DNAH14: variants seen among roughly 807,000 people sequenced by gnomAD.
DNAH14 encodes dynein axonemal heavy chain 14, also known as axonemal beta dynein heavy chain 14.
A neutral mutation model predicts 520.9 loss-of-function variants in DNAH14; 478 were observed. The ratio of observed to expected loss-of-function variants is 0.92; its 90% CI spans 0.85 to 0.99. The LOEUF (loss-of-function observed/expected upper bound fraction) is 0.99. DNAH14 is among the 50% of genes least tolerant of loss of function. The pLI, the probability that DNAH14 is intolerant of heterozygous loss-of-function variation, is 0.00. For synonymous variants in DNAH14, 1,581 were observed against 1,757.2 expected (o/e 0.90, Z 2.51); for missense variants, 4,831 against 5,234.5 (o/e 0.92, Z 2.38).
intron 36 of DNAH14, among the ~76,000 whole-genome samples, chr1:225,171,778 G>A (rs1349719669): frequency 6.6e-6 from 1 of 152,168 alleles, no homozygotes; most frequent in Non-Finnish European, 1.5e-5. Context: ...TATGAGGCCA[G>A]CATCATCCTG....
intron 4 of DNAH14, among the ~76,000 whole-genome samples, 186 bp from the exon 5 acceptor site, chr1:224,964,293 A>G (rs759002407): frequency 6.6e-5 from 10 of 152,128 alleles, no homozygotes; most frequent in Admixed American, 1.3e-4. Context: ...CATAAATATT[A>G]TTCCCTCTTT....
chr1:225,119,899 A>G lies in DNAH14; in HGVS notation c.4166+605A>G, dbSNP rs550563049. Among the ~76,000 whole-genome samples the G allele has an allele frequency of 5.9e-5, 9 of 152,312 alleles. No individual in the cohort carries two copies. In the East Asian group the frequency reaches 1.2e-3, roughly 20 times the overall value. ...TTAATATTATTCTGAAGGCCAATAC[A>G]AGGTTTCTAGAGCAGAGAAGATTAT... On this transcript the variant is annotated intron_variant, in intron 26 of 85. Transcript: ENST00000682510.
At chr1:225,115,149 T>G (rs2076775586) in intron 23 of DNAH14, among the ~76,000 whole-genome samples, 1 of 152,196 alleles carries the variant, frequency 6.6e-6, no homozygotes, top group African/African-American at 2.4e-5. Flanking sequence ...AATTGCTTTT[T>G]CCCTAACAAT....
intron 79 of DNAH14, among the ~76,000 whole-genome samples, chr1:225,379,100 G>A (rs1005817645): frequency 5.3e-5 from 8 of 152,144 alleles, no homozygotes; most frequent in Non-Finnish European, 1.0e-4. Context: ...CCTCACCTAG[G>A]CCTGGACACG....
chr1:225,283,981 G>A (rs1604777), intron 54 of DNAH14, among the ~76,000 whole-genome samples: 34,048 of 151,976 alleles, frequency 0.22, 4,114 homozygotes, highest in East Asian at 0.34. Context: ...GAGATACATG[G>A]AAACAAACAA....
chr1:225,363,058 T>A (rs549484625), intron 75 of DNAH14, among the ~76,000 whole-genome samples: 4 of 152,288 alleles, frequency 2.6e-5, no homozygotes, highest in Admixed American at 1.3e-4. Flanking sequence ...GCAAATTTTT[T>A]AAAAATAATT....
chr1:224,933,658 A>C (rs1558435569), intron 1 of DNAH14, among the ~76,000 whole-genome samples: 1 of 152,046 alleles, frequency 6.6e-6, no homozygotes, highest in South Asian at 2.1e-4. Flanking sequence ...ATTTTGTCCA[A>C]TGCTTGTTCT....
At position 225,346,628 on chromosome 1, in the gene DNAH14, G is replaced by C. The variant is rs2095290207; in HGVS notation, c.11270G>C (p.Ser3757Thr). The C allele has an allele frequency of 1.9e-6, 3 of 1,548,432 alleles. No homozygotes were observed. The highest frequency in any genetic ancestry group is 2.6e-6 in the Non-Finnish European group (3 of 1,145,396). The change falls in exon 71 of 86, where the codon AGT becomes ACT. Residue 3757 changes from serine (S) to threonine (T), a missense_variant. Ser to Thr is a moderately conservative substitution (Grantham distance 58). Coordinates refer to ENST00000682510, the MANE Select transcript of DNAH14 (RefSeq NM_001367479.1). ...TCTGGCATATTGATAAATATTAAAA[G>C]TGCATTATCCCAGTCTAGACTTACT... ...LYSGILINIK[S>T]ALSQSRLTST...
chr1:225,375,033 G>A (rs562092933), intron 78 of DNAH14, 148 bp downstream of exon 78: 1 of 728,758 alleles, frequency 1.4e-6, no homozygotes, highest in African/African-American at 1.8e-5. Flanking sequence ...ATTTACCCAT[G>A]ACTCTATTAA....
chr1:224,981,483 A>T (rs1390773558), intron 8 of DNAH14, among the ~76,000 whole-genome samples: 1 of 152,018 alleles, frequency 6.6e-6, no homozygotes. Context: ...TGGTCTGTTC[A>T]GGGTATCTAA....
chr1:224,949,623 G>A (rs1397057980), intron 1 of DNAH14, among the ~76,000 whole-genome samples: 1 of 152,052 alleles, frequency 6.6e-6, no homozygotes, highest in Non-Finnish European at 1.5e-5. Context: ...AATATTGTAT[G>A]GGCAACCTAT....
chr1:225,298,862 G>A (rs116310265), intron 55 of DNAH14, among the ~76,000 whole-genome samples: 5,535 of 152,302 alleles, frequency 0.036, 303 homozygotes, highest in African/African-American at 0.12. Context: ...CAGTGGCAGC[G>A]GGGCTGGGGG....
At chr1:225,363,645 GT>G (rs2095519502) in intron 75 of DNAH14, among the ~76,000 whole-genome samples, 1 of 152,166 alleles carries the variant, frequency 6.6e-6, no homozygotes, top group Non-Finnish European at 1.5e-5. Flanking sequence ...CAGGGGATTG[GT>G]TCCAGGACCC....
At chr1:225,080,174 C>T (rs1030816240) in intron 18 of DNAH14, among the ~76,000 whole-genome samples, 1 of 152,172 alleles carries the variant, frequency 6.6e-6, no homozygotes, top group South Asian at 2.1e-4. Flanking sequence ...CAAATGGGCT[C>T]ATGGCATAAA....
intron 9 of DNAH14, among the ~76,000 whole-genome samples, chr1:225,005,488 TA>T (rs1204841712): frequency 2.0e-5 from 3 of 152,098 alleles, no homozygotes; most frequent in African/African-American, 7.2e-5. Flanking sequence ...TAGTACTGGA[TA>T]AATGCAGGTA....
intron 5 of DNAH14, among the ~76,000 whole-genome samples, chr1:224,965,220 G>T (rs979082869): frequency 6.6e-6 from 1 of 151,986 alleles, no homozygotes; most frequent in Non-Finnish European, 1.5e-5. Flanking sequence ...CCTACTGTTA[G>T]ATAGGGAATT....
At chr1:225,383,103 A>G (rs2095800429) in intron 81 of DNAH14, among the ~76,000 whole-genome samples, 1 of 152,200 alleles carries the variant, frequency 6.6e-6, no homozygotes, top group African/African-American at 2.4e-5. Context: ...AAAACGTTCT[A>G]CAATTGACTA....
intron 38 of DNAH14, among the ~76,000 whole-genome samples, chr1:225,199,766 A>G (rs760538236): frequency 3.9e-5 from 6 of 152,158 alleles, no homozygotes; most frequent in Non-Finnish European, 7.4e-5. Context: ...CATATTGTCT[A>G]TCTTGGAGAA....
chr1:225,268,285 A>G lies in DNAH14; in HGVS notation c.7539+1516A>G, dbSNP rs538548095. 1.0e-3 allele frequency among the ~76,000 whole-genome samples: 153 copies of G among 152,328 alleles called. 2 individuals are homozygous for G. Among genetic ancestry groups the G allele is most frequent in the African/African-American group, 3.5e-3 (144 of 41,568 alleles). ...CTTTGACAAAATTCAACAACCCTTC[A>G]TGCTAAACACTCTCAATAAATTAGG... On this transcript the variant is annotated intron_variant, in intron 49 of 85. Coordinates refer to ENST00000682510, the MANE Select transcript of DNAH14 (RefSeq NM_001367479.1).
Sources: allele counts gnomAD v4.1 joint callset (sites outside exome capture counted in the v4.1 genomes callset), GRCh38; gene constraint gnomAD v4.1.1; transcripts MANE v1.5; gene names NCBI Gene and HGNC (gene_info 2026-07-23, HGNC 2026-07-21).